FRMPD4: variants seen among roughly 807,000 people sequenced by gnomAD.
FRMPD4 encodes FERM and PDZ domain-containing protein 4.
Under a neutral mutation model 94.1 loss-of-function variants are expected in FRMPD4, and 22 were observed. The ratio of observed to expected loss-of-function variants is 0.23; its 90% CI spans 0.17 to 0.33. FRMPD4 has a LOEUF of 0.33. FRMPD4 is among the 10% of genes least tolerant of loss of function. The probability of loss-of-function intolerance (pLI) is 1.00; values close to 1 mark genes in which losing one functional copy is unlikely to be tolerated. For missense variants in FRMPD4, 1,111 were observed against 1,339.9 expected, an observed-to-expected ratio of 0.83 and a Z score of 2.67; for synonymous variants, 631 against 548.6, an observed-to-expected ratio of 1.15 and a Z score of -2.10.
At chrX:12,499,263 T>C (rs1463675230) in intron 2 of FRMPD4, among the ~76,000 whole-genome samples, 1 of 112,463 alleles carries the variant, frequency 8.9e-6, no homozygotes, top group Non-Finnish European at 1.9e-5. Context: ...TTATTTGTTT[T>C]ATTGTAAATT....
chrX:12,684,286 C>G (rs1414091756), intron 6 of FRMPD4, among the ~76,000 whole-genome samples: 1 of 112,137 alleles, frequency 8.9e-6, no homozygotes, highest in African/African-American at 3.2e-5. Flanking sequence ...TTTTTTGGAC[C>G]TTTGAAATGC....
intron 5 of FRMPD4, among the ~76,000 whole-genome samples, chrX:12,678,426 A>G (rs773929728): frequency 7.1e-5 from 8 of 112,161 alleles, no homozygotes; most frequent in Non-Finnish European, 1.5e-4. Context: ...TTTTTATTAT[A>G]GATCTTTCAT....
At chrX:12,582,385 C>T (rs978237842) in intron 2 of FRMPD4, among the ~76,000 whole-genome samples, 2 of 112,117 alleles carry the variant, frequency 1.8e-5, no homozygotes, top group East Asian at 5.6e-4. Context: ...TTCATGGCTT[C>T]CCCTATTCAG....
At chrX:12,008,664 A>G (rs1320679126) in intron 3 of FRMPD4, among the ~76,000 whole-genome samples, 2 of 111,820 alleles carry the variant, frequency 1.8e-5, no homozygotes, top group Non-Finnish European at 3.8e-5. Flanking sequence ...CAGCTAGCCC[A>G]GTGGTTTTAG....
At chrX:12,008,051 C>A (rs980793237) in intron 3 of FRMPD4, among the ~76,000 whole-genome samples, 1 of 111,980 alleles carries the variant, frequency 8.9e-6, no homozygotes. Flanking sequence ...TGGTTTATCA[C>A]TGACTAATAG....
In FRMPD4 at chrX:11,980,387, C is replaced by A. The variant is rs769459843; in HGVS notation, c.95+102369C>A. ...GTCAGAGATTTGTCTATTTTATAAT[C>A]TCTCCAAAGGACCCGTTTATAGCTT... On this transcript the variant is annotated intron_variant, in intron 3 of 18. Coordinates refer to the FRMPD4 transcript ENST00000640291. 5.4e-5 allele frequency among the ~76,000 whole-genome samples: 6 copies of A among 110,953 alleles called. 1 individual carries two copies. In the South Asian group the frequency reaches 1.9e-3, roughly 35 times the overall value.
At chrX:11,984,126 A>C (rs2054413253) in intron 3 of FRMPD4, among the ~76,000 whole-genome samples, 1 of 112,504 alleles carries the variant, frequency 8.9e-6, no homozygotes, top group South Asian at 3.7e-4. Flanking sequence ...TGATGAGAAG[A>C]GTGAGTAGAA....
chrX:12,174,644 C>T (rs184130030), intron 1 of FRMPD4, among the ~76,000 whole-genome samples: 54 of 111,809 alleles, frequency 4.8e-4, no homozygotes, highest in Middle Eastern at 9.2e-3. Flanking sequence ...CAGTGGTTCT[C>T]AAACTTTGAT....
intron 2 of FRMPD4, among the ~76,000 whole-genome samples, chrX:11,872,264 T>C (rs2053759894): frequency 8.9e-6 from 1 of 112,608 alleles, no homozygotes; most frequent in Non-Finnish European, 1.9e-5. Context: ...GCCACTTGTA[T>C]GTTCAAAGCT....
At chrX:12,219,104 C>G (rs1468133341) in intron 1 of FRMPD4, among the ~76,000 whole-genome samples, 2 of 112,094 alleles carry the variant, frequency 1.8e-5, no homozygotes, top group African/African-American at 6.5e-5. Context: ...CACCGTGGCT[C>G]AGGCCTATAA....
At chrX:12,214,973 A>C (rs925959944) in intron 1 of FRMPD4, among the ~76,000 whole-genome samples, 2 of 111,859 alleles carry the variant, frequency 1.8e-5, no homozygotes, top group Non-Finnish European at 3.8e-5. Flanking sequence ...TTTATAGGTA[A>C]ATATTTTCCC....
At chrX:11,887,739 T>C (rs1158299741) in intron 3 of FRMPD4, among the ~76,000 whole-genome samples, 1 of 112,039 alleles carries the variant, frequency 8.9e-6, no homozygotes, top group Admixed American at 9.5e-5. Context: ...ATTATTAAAC[T>C]AGTCCTTTGT....
At chrX:12,523,520 C>G (rs2058186729) in intron 2 of FRMPD4, among the ~76,000 whole-genome samples, 1 of 111,706 alleles carries the variant, frequency 9.0e-6, no homozygotes, top group Admixed American at 9.5e-5. Flanking sequence ...TGCAGGAAAG[C>G]CTGGTGGTTA....
At chrX:12,147,856 C>T (rs964080631) in intron 1 of FRMPD4, among the ~76,000 whole-genome samples, 23 of 111,772 alleles carry the variant, frequency 2.1e-4, no homozygotes, top group Non-Finnish European at 3.6e-4. Context: ...GATGTGTGAT[C>T]AGTAATCTTT....
At chrX:11,900,587 A>G (rs751452177) in intron 3 of FRMPD4, among the ~76,000 whole-genome samples, 1 of 111,527 alleles carries the variant, frequency 9.0e-6, no homozygotes, top group Admixed American at 9.5e-5. Flanking sequence ...AATCTCAGCC[A>G]TGTTGAAGCC....
intron 1 of FRMPD4, among the ~76,000 whole-genome samples, chrX:12,146,210 A>C (rs1308824068): frequency 9.1e-6 from 1 of 110,072 alleles, no homozygotes; most frequent in Admixed American, 9.6e-5. Context: ...AAAAATACAA[A>C]AAAATTAGCC....
intron 1 of FRMPD4, among the ~76,000 whole-genome samples, chrX:12,425,664 G>C (rs1040818746): frequency 4.5e-5 from 5 of 111,565 alleles, no homozygotes; most frequent in African/African-American, 1.6e-4. Context: ...TGTGGGTTGA[G>C]GCCAGAGATG....
intron 1 of FRMPD4, among the ~76,000 whole-genome samples, chrX:12,324,118 G>A (rs963528640): frequency 6.9e-4 from 77 of 111,900 alleles, no homozygotes; most frequent in African/African-American, 2.4e-3. Context: ...TTACTCCATC[G>A]CAGACAGAAA....
chrX:12,090,908 G>A (rs2147496151), intron 3 of FRMPD4, among the ~76,000 whole-genome samples: 1 of 112,356 alleles, frequency 8.9e-6, no homozygotes, highest in East Asian at 2.8e-4. Flanking sequence ...AGACTAATTA[G>A]TTTATTAAGC....
Sources: allele counts gnomAD v4.1 joint callset (sites outside exome capture counted in the v4.1 genomes callset), GRCh38; gene constraint gnomAD v4.1.1; transcripts MANE v1.5; gene names NCBI Gene and HGNC (gene_info 2026-07-23, HGNC 2026-07-21).